The following MARCHF4 variants were observed in gnomAD, a reference collection of about 807,000 sequenced individuals.
MARCHF4 encodes E3 ubiquitin-protein ligase MARCHF4.
A neutral mutation model predicts 43.9 loss-of-function variants in MARCHF4; 14 were observed. The ratio of observed to expected loss-of-function variants is 0.32; its 90% CI spans 0.21 to 0.50. The LOEUF is 0.50. MARCHF4 is among the 20% of genes least tolerant of loss of function. MARCHF4 has a pLI of 0.98. For missense variants in MARCHF4, 468 were observed against 536.7 expected (o/e 0.87, Z 1.27); for synonymous variants, 226 against 213.3 (o/e 1.06, Z -0.52).
At chr2:216,362,243 A>T (rs796894312) in intron 1 of MARCHF4, among the ~76,000 whole-genome samples, 3 of 152,328 alleles carry the variant, frequency 2.0e-5, no homozygotes, top group African/African-American at 7.2e-5. Context: ...TGAGATTGCA[A>T]GGGGTCATCC....
chr2:216,259,304 C>T lies in MARCHF4; in HGVS notation c.*8G>A, dbSNP rs753592484. ...GGTGGTCATGGCCTTCCTTCCGGGC[C>T]TCTGCTCTCACACTGTCGTGACTCT... On this transcript the variant is annotated 3_prime_UTR_variant, in exon 4 of 4. Transcript: ENST00000273067. The T allele has an allele frequency of 5.2e-6, 8 of 1,524,322 alleles. No individual in the cohort carries two copies. The highest frequency in any genetic ancestry group is 7.1e-6 in the Non-Finnish European group (8 of 1,134,738). The allele number at this position is 1,524,322 out of a possible 1,614,324, so 94.4% of individuals were successfully genotyped here. A position where few individuals can be genotyped will look rare whatever the true frequency, so the allele number is the denominator to read the frequency against.
At position 216,347,824 on chromosome 2, in the gene MARCHF4, C is replaced by CTT. The variant is rs201604123; in HGVS notation, c.516+21919_516+21920dup. 1.1e-3 allele frequency among the ~76,000 whole-genome samples: 150 copies of CTT among 139,618 alleles called. 3 individuals are homozygous for CTT. Among genetic ancestry groups the CTT allele is most frequent in the South Asian group, 4.3e-3 (19 of 4,440 alleles). The allele number at this position is 139,618 out of a possible 152,430, so 91.6% of individuals were successfully genotyped here. On this transcript the variant is annotated intron_variant, in intron 1 of 3. Transcript: ENST00000273067. The stretch of plus-strand genomic sequence containing the variant: ...AGAATTGGGGATTAGGCACAGGGTT[C>CTT]TTTTTTTTTTTTTTTTAACTTTTTA...
At chr2:216,313,725 A>G (rs1691727228) in intron 1 of MARCHF4, among the ~76,000 whole-genome samples, 1 of 152,132 alleles carries the variant, frequency 6.6e-6, no homozygotes, top group African/African-American at 2.4e-5. Context: ...GCTTTCTCAG[A>G]ATTGTGAAAG....
intron 1 of MARCHF4, among the ~76,000 whole-genome samples, chr2:216,298,833 T>C (rs1047398410): frequency 2.0e-5 from 3 of 151,838 alleles, no homozygotes; most frequent in African/African-American, 7.2e-5. Flanking sequence ...TGGTGATCCA[T>C]GATTTCACAG....
intron 3 of MARCHF4, among the ~76,000 whole-genome samples, chr2:216,272,048 A>C (rs1574459821): frequency 1.4e-5 from 2 of 147,796 alleles, no homozygotes; most frequent in East Asian, 4.0e-4. Flanking sequence ...GGAGGCTTAG[A>C]GATCTCTAAA....
At chr2:216,361,838 G>A (rs112987776) in intron 1 of MARCHF4, among the ~76,000 whole-genome samples, 1 of 152,152 alleles carries the variant, frequency 6.6e-6, no homozygotes, top group Non-Finnish European at 1.5e-5. Flanking sequence ...TGTGATCTGA[G>A]GGCTCCATTC....
intron 1 of MARCHF4, among the ~76,000 whole-genome samples, chr2:216,349,874 T>G (rs559735943): frequency 2.6e-5 from 4 of 152,228 alleles, no homozygotes; most frequent in Non-Finnish European, 4.4e-5. Context: ...AGTGAACTGC[T>G]CAAAATCTTT....
At chr2:216,366,843 T>C (rs990523641) in intron 1 of MARCHF4, among the ~76,000 whole-genome samples, 21 of 152,200 alleles carry the variant, frequency 1.4e-4, no homozygotes, top group African/African-American at 5.1e-4. Flanking sequence ...AATGTCAGCT[T>C]CAGGAGAGCA....
At chr2:216,334,307 G>C (rs1486742759) in intron 1 of MARCHF4, among the ~76,000 whole-genome samples, 3 of 152,220 alleles carry the variant, frequency 2.0e-5, no homozygotes, top group African/African-American at 7.2e-5. Context: ...AGAAAACAGA[G>C]ACTTCTTCCT....
chr2:216,338,237 T>A (rs1026986449), intron 1 of MARCHF4, among the ~76,000 whole-genome samples: 1 of 152,196 alleles, frequency 6.6e-6, no homozygotes, highest in African/African-American at 2.4e-5. Flanking sequence ...GGTAAGTAAC[T>A]TGCCCAGGTG....
At chr2:216,301,497 T>C (rs935138205) in intron 1 of MARCHF4, among the ~76,000 whole-genome samples, 3 of 152,366 alleles carry the variant, frequency 2.0e-5, no homozygotes, top group East Asian at 1.9e-4. Flanking sequence ...ACTGTGTGTG[T>C]GCCATTTGTC....
chr2:216,287,882 G>C (rs1234337662), intron 1 of MARCHF4, among the ~76,000 whole-genome samples: 1 of 151,842 alleles, frequency 6.6e-6, no homozygotes. Context: ...ATTTAGCCAA[G>C]TCTCTTAACC....
intron 1 of MARCHF4, among the ~76,000 whole-genome samples, chr2:216,347,749 A>G (rs993613920): frequency 2.0e-5 from 3 of 151,990 alleles, no homozygotes; most frequent in Non-Finnish European, 4.4e-5. Flanking sequence ...GAAAAAAAAG[A>G]AAAAAGAAAA....
chr2:216,340,800 A>C (rs962455144), intron 1 of MARCHF4, among the ~76,000 whole-genome samples: 1 of 152,196 alleles, frequency 6.6e-6, no homozygotes, highest in Non-Finnish European at 1.5e-5. Flanking sequence ...TATATAAAAC[A>C]ATATGTGGGG....
chr2:216,264,679 T>C (rs143142136), intron 3 of MARCHF4, among the ~76,000 whole-genome samples: 48 of 152,336 alleles, frequency 3.2e-4, no homozygotes, highest in African/African-American at 9.1e-4. Flanking sequence ...CCAAATTCAC[T>C]CTTTCCAGTA....
At chr2:216,321,196 T>C (rs994563586) in intron 1 of MARCHF4, among the ~76,000 whole-genome samples, 1 of 152,108 alleles carries the variant, frequency 6.6e-6, no homozygotes, top group Non-Finnish European at 1.5e-5. Flanking sequence ...CAATCTGGAC[T>C]AATTACCTCC....
intron 1 of MARCHF4, 111 bp downstream of exon 1, chr2:216,369,634 G>C: frequency 2.4e-6 from 2 of 834,932 alleles, no homozygotes; most frequent in Non-Finnish European, 3.7e-6. Context: ...CTTAAACATA[G>C]AGTCCTCATA....
intron 1 of MARCHF4, among the ~76,000 whole-genome samples, chr2:216,295,132 G>A (rs1437203099): frequency 6.6e-6 from 1 of 152,214 alleles, no homozygotes; most frequent in African/African-American, 2.4e-5. Context: ...GACCGAGGCT[G>A]GCTGGGTTGA....
intron 1 of MARCHF4, among the ~76,000 whole-genome samples, chr2:216,335,441 T>A (rs941774980): frequency 1.3e-5 from 2 of 152,202 alleles, no homozygotes; most frequent in African/African-American, 4.8e-5. Flanking sequence ...GCATTGAGGT[T>A]AACACACAAT....
Sources: gnomAD v4.1 joint callset for allele counts (sites outside exome capture counted in the v4.1 genomes callset) on GRCh38, gnomAD v4.1.1 for gene constraint, MANE v1.5 for transcripts, NCBI Gene and HGNC (gene_info 2026-07-23, HGNC 2026-07-21) for gene names.